The following RNF17 variants were observed in gnomAD, a reference collection of about 807,000 sequenced individuals.
RNF17 encodes the protein spermatogenesis associated 23.
Under a neutral mutation model 200.5 loss-of-function variants are expected in RNF17, and 31 were observed. That is an observed-to-expected ratio of 0.15 (90% CI 0.12 to 0.21). The LOEUF is 0.21. Among genes scored for constraint, RNF17 ranks in the 10% least tolerant of loss-of-function variants. The probability of loss-of-function intolerance (pLI) is 1.00; values close to 1 mark genes in which losing one functional copy is unlikely to be tolerated. For missense variants in RNF17, 1,628 were observed against 1,905.1 expected, an observed-to-expected ratio of 0.85 and a Z score of 2.71; for synonymous variants, 606 against 637.8, an observed-to-expected ratio of 0.95 and a Z score of 0.75.
upstream of RNF17, among the ~76,000 whole-genome samples, chr13:24,763,334 C>A (rs1448887828): frequency 6.7e-6 from 1 of 149,180 alleles, no homozygotes; most frequent in East Asian, 2.0e-4. Context: ...TCCCAAGTAG[C>A]TGGAACTACA....
chr13:24,871,616 G>A (rs551883703), intron 32 of RNF17, among the ~76,000 whole-genome samples: 22 of 144,890 alleles, frequency 1.5e-4, no homozygotes, highest in African/African-American at 5.7e-4. Flanking sequence ...TTATAGGCAT[G>A]AGCCAACTTG....
chr13:24,847,496 C>T (rs1891395178), intron 22 of RNF17, among the ~76,000 whole-genome samples: 1 of 151,938 alleles, frequency 6.6e-6, no homozygotes, highest in Non-Finnish European at 1.5e-5. Context: ...CAGGCGTGCA[C>T]CACCATGCCC....
At chr13:24,761,047 A>G (rs1221594806), upstream of RNF17, among the ~76,000 whole-genome samples, 1 of 152,216 alleles carries the variant, frequency 6.6e-6, no homozygotes, top group Non-Finnish European at 1.5e-5. Context: ...TACAGCCATT[A>G]TGGGAAACAG....
intron 15 of RNF17, chr13:24,824,095 G>A (rs1377173059): frequency 8.7e-6 from 6 of 688,358 alleles, no homozygotes; most frequent in South Asian, 8.2e-5. Context: ...AGAGGGTAGG[G>A]TGAGGCAAGT....
At chr13:24,848,320 A>G (rs951783683) in intron 22 of RNF17, among the ~76,000 whole-genome samples, 1 of 152,094 alleles carries the variant, frequency 6.6e-6, no homozygotes, top group Admixed American at 6.6e-5. Flanking sequence ...TATATATTAC[A>G]CTCAGTTTAC....
chr13:24,764,656 A>G (rs1397903140), intron 1 of RNF17, among the ~76,000 whole-genome samples: 2 of 152,246 alleles, frequency 1.3e-5, no homozygotes, highest in Non-Finnish European at 2.9e-5. Flanking sequence ...AAAAGTAGAC[A>G]TAAAATGTAG....
intron 22 of RNF17, among the ~76,000 whole-genome samples, chr13:24,848,078 G>A (rs1003155966): frequency 6.6e-6 from 1 of 152,188 alleles, no homozygotes; most frequent in East Asian, 1.9e-4. Flanking sequence ...TTGTCTTAAA[G>A]ACACTATTTC....
intron 3 of RNF17, among the ~76,000 whole-genome samples, chr13:24,777,255 T>C (rs892595137): frequency 1.3e-5 from 2 of 152,228 alleles, no homozygotes; most frequent in African/African-American, 4.8e-5. Flanking sequence ...TGTTTAAAAA[T>C]TATTTGGTGT....
chr13:24,751,821 CT>C, the RNF17 span: 3 of 152,060 alleles, frequency 2.0e-5, no homozygotes, highest in South Asian at 2.1e-4. Context: ...TTGTTGAATG[CT>C]AGTCAAAACA....
At chr13:24,858,175 C>T (rs1202155219) in intron 25 of RNF17, among the ~76,000 whole-genome samples, 4 of 152,070 alleles carry the variant, frequency 2.6e-5, no homozygotes, top group Non-Finnish European at 5.9e-5. Context: ...ATTTTTCTCT[C>T]ATTTGTTGAT....
At chr13:24,865,959 G>A (rs1893580530) in intron 29 of RNF17, among the ~76,000 whole-genome samples, 185 bp from the exon 30 acceptor site, 1 of 152,058 alleles carries the variant, frequency 6.6e-6, no homozygotes, top group Non-Finnish European at 1.5e-5. Context: ...ATGTATTTGA[G>A]GTTTCTTATT....
chr13:24,759,324 T>C (rs932792151), upstream of RNF17, among the ~76,000 whole-genome samples: 3 of 152,154 alleles, frequency 2.0e-5, no homozygotes, highest in Non-Finnish European at 4.4e-5. Flanking sequence ...ACAAACACAA[T>C]TTAAAAATTC....
At chr13:24,825,561 C>A in intron 15 of RNF17, 58 bp from the exon 16 acceptor site, 2 of 1,140,692 alleles carry the variant, frequency 1.8e-6, no homozygotes, top group Non-Finnish European at 2.5e-6. Flanking sequence ...GTAATTCATT[C>A]AACACTTACA....
At chr13:24,833,658 C>G (rs1245489842) in intron 18 of RNF17, among the ~76,000 whole-genome samples, 2 of 152,238 alleles carry the variant, frequency 1.3e-5, no homozygotes, top group Non-Finnish European at 2.9e-5. Context: ...CATCTAAACA[C>G]TAGCTGTGGC....
chr13:24,761,652 G>A (rs911041290), upstream of RNF17, among the ~76,000 whole-genome samples: 10 of 152,150 alleles, frequency 6.6e-5, no homozygotes, highest in Non-Finnish European at 1.3e-4. Context: ...AGGCCATTAA[G>A]GTTTTGTTGT....
At chr13:24,847,407 G>A (rs141754380) in intron 22 of RNF17, among the ~76,000 whole-genome samples, 24 of 149,832 alleles carry the variant, frequency 1.6e-4, no homozygotes, top group African/African-American at 5.9e-4. Flanking sequence ...GTGCAGTGGC[G>A]TCATCTCAGC....
rs1286249064 is a variant in RNF17 at position 24,774,828 on chromosome 13, A to T, written c.241A>T (p.Asn81Tyr). The stretch of plus-strand genomic sequence containing the variant: ...TTGTCCTAAGGTTGCTACAGCTGTA[A>T]ATACTAGACAACGCTACTACCCAAT... ...CPDCEVATAV[N>Y]TRQRYYPMAG... is the part of the protein sequence containing the mutation. Residue 81 changes from asparagine to tyrosine, a missense_variant, in exon 3 of 36, where the codon AAT becomes TAT. Asn to Tyr is a moderately radical substitution (Grantham distance 143). Coordinates refer to ENST00000255324, the MANE Select transcript of RNF17 (RefSeq NM_031277.3). The T allele has an allele frequency of 1.2e-6, 2 of 1,610,216 alleles. No homozygotes were observed. Among genetic ancestry groups the T allele is most frequent in the East Asian group, 4.5e-5 (2 of 44,776 alleles).
intron 6 of RNF17, among the ~76,000 whole-genome samples, chr13:24,783,824 C>T (rs889297448): frequency 2.0e-5 from 3 of 152,114 alleles, no homozygotes; most frequent in Non-Finnish European, 4.4e-5. Context: ...TATTTTACTT[C>T]CTACAAAAAG....
chr13:24,811,545 A>G (rs1886619374), intron 15 of RNF17, among the ~76,000 whole-genome samples: 1 of 151,808 alleles, frequency 6.6e-6, no homozygotes, highest in African/African-American at 2.4e-5. Flanking sequence ...ACATTCTTCT[A>G]AATTTTTTTC....
Sources: allele counts gnomAD v4.1 joint callset (sites outside exome capture counted in the v4.1 genomes callset), GRCh38; gene constraint gnomAD v4.1.1; transcripts MANE v1.5; gene names NCBI Gene and HGNC (gene_info 2026-07-23, HGNC 2026-07-21).